Variants in GPC5 observed in about 807,000 individuals in gnomAD.
GPC5 encodes glypican-5.
Under a neutral mutation model 53.9 loss-of-function variants are expected in GPC5, and 47 were observed. That is an observed-to-expected ratio of 0.87 (90% CI 0.69 to 1.11). The LOEUF is 1.11. Among genes scored for constraint, GPC5 ranks in the 50% most tolerant of loss-of-function variants. GPC5 has a pLI of 0.00. For synonymous variants in GPC5, 286 were observed against 263.3 expected, an observed-to-expected ratio of 1.09 and a Z score of -0.84; for missense variants, 748 against 713.1, an observed-to-expected ratio of 1.05 and a Z score of -0.56.
In GPC5 at chr13:91,887,757, C is replaced by A. The variant is rs146582469; in HGVS notation, c.1281-20180C>A. Among the ~76,000 whole-genome samples the A allele has an allele frequency of 2.0e-3, 305 of 152,236 alleles. 3 individuals carry two copies. Among genetic ancestry groups the A allele is most frequent in the African/African-American group, 6.7e-3 (279 of 41,552 alleles). On this transcript the variant is annotated intron_variant, in intron 5 of 7. Coordinates refer to ENST00000377067, the MANE Select transcript of GPC5 (RefSeq NM_004466.6). ...CCCAACAAGCTCCTCATCTCCATCT[C>A]CAGCCTGGACATCAGTGTTTACATC...
intron 7 of GPC5, among the ~76,000 whole-genome samples, chr13:92,863,727 A>C (rs1244816910): frequency 6.6e-6 from 1 of 152,142 alleles, no homozygotes; most frequent in Admixed American, 6.5e-5. Context: ...TCCCGACCTC[A>C]GGTGATCTGC....
chr13:92,826,977 C>T (rs1235793953), intron 7 of GPC5, among the ~76,000 whole-genome samples: 3 of 152,014 alleles, frequency 2.0e-5, no homozygotes, highest in Admixed American at 2.0e-4. Context: ...TGTCATCTAC[C>T]CATTAATATT....
intron 2 of GPC5, among the ~76,000 whole-genome samples, chr13:91,677,596 G>A (rs913409059): frequency 2.0e-5 from 3 of 152,034 alleles, no homozygotes; most frequent in Non-Finnish European, 4.4e-5. Flanking sequence ...TCTAATATAC[G>A]GATTTTCCAA....
chr13:92,183,740 G>T (rs930919357), intron 7 of GPC5, among the ~76,000 whole-genome samples: 74 of 151,898 alleles, frequency 4.9e-4, no homozygotes, highest in African/African-American at 1.7e-3. Context: ...TAATTTTGTG[G>T]TTTTTAAATC....
At chr13:92,405,407 A>T (rs944696301) in intron 7 of GPC5, among the ~76,000 whole-genome samples, 1 of 152,180 alleles carries the variant, frequency 6.6e-6, no homozygotes, top group African/African-American at 2.4e-5. Context: ...GGGAATCAAC[A>T]TTTTTTTGTC....
intron 5 of GPC5, among the ~76,000 whole-genome samples, chr13:91,893,637 G>A (rs2138973090): frequency 6.6e-6 from 1 of 152,206 alleles, no homozygotes; most frequent in East Asian, 1.9e-4. Flanking sequence ...TCCAAATTAT[G>A]TATCTGACAA....
chr13:92,142,207 G>C (rs905803713), intron 6 of GPC5, among the ~76,000 whole-genome samples: 4 of 152,016 alleles, frequency 2.6e-5, no homozygotes, highest in African/African-American at 9.7e-5. Context: ...TTTTAAAAAA[G>C]GGAAAAAAAT....
chr13:92,213,174 A>G (rs2042387235), intron 7 of GPC5, among the ~76,000 whole-genome samples: 1 of 152,216 alleles, frequency 6.6e-6, no homozygotes, highest in African/African-American at 2.4e-5. Context: ...TGCCCTGAAT[A>G]ATAGATATGT....
chr13:92,731,307 C>T (rs1270749245), intron 7 of GPC5, among the ~76,000 whole-genome samples: 3 of 151,410 alleles, frequency 2.0e-5, no homozygotes, highest in African/African-American at 7.3e-5. Context: ...AACTAAATGT[C>T]AGGATTTCTA....
At chr13:92,862,189 T>C (rs1879202895) in intron 7 of GPC5, among the ~76,000 whole-genome samples, 1 of 152,176 alleles carries the variant, frequency 6.6e-6, no homozygotes, top group Non-Finnish European at 1.5e-5. Flanking sequence ...CTGTTCCAAA[T>C]ATTTAGAATA....
chr13:91,558,009 C>T (rs1947181416), intron 2 of GPC5, among the ~76,000 whole-genome samples: 1 of 152,076 alleles, frequency 6.6e-6, no homozygotes, highest in Non-Finnish European at 1.5e-5. Context: ...TTGAGAGAGT[C>T]TTAGCAAAAG....
chr13:91,923,462 T>G (rs960108582), intron 6 of GPC5, among the ~76,000 whole-genome samples: 4 of 152,170 alleles, frequency 2.6e-5, no homozygotes, highest in Admixed American at 1.3e-4. Context: ...AGTAGGAAAG[T>G]TTCTATGGCA....
At chr13:92,048,399 C>A (rs1594743032) in intron 6 of GPC5, among the ~76,000 whole-genome samples, 3 of 152,024 alleles carry the variant, frequency 2.0e-5, no homozygotes, top group South Asian at 4.2e-4. Flanking sequence ...TTTGATACAT[C>A]CCACCAAACA....
At chr13:91,681,103 C>T (rs1426153630) in intron 2 of GPC5, among the ~76,000 whole-genome samples, 1 of 151,840 alleles carries the variant, frequency 6.6e-6, no homozygotes, top group African/African-American at 2.4e-5. Flanking sequence ...GAGTGTAAAG[C>T]GTTCCGAGAC....
chr13:92,272,559 C>T (rs1307983638), intron 7 of GPC5, among the ~76,000 whole-genome samples: 1 of 152,158 alleles, frequency 6.6e-6, no homozygotes, highest in Non-Finnish European at 1.5e-5. Context: ...AAGTCCTGCA[C>T]AGTCAAGACT....
chr13:91,527,134 C>G, intron 2 of GPC5, among the ~76,000 whole-genome samples: 1 of 152,174 alleles, frequency 6.6e-6, no homozygotes, highest in East Asian at 1.9e-4. Context: ...TTCTGCAAAG[C>G]TTTAACTTAT....
chr13:92,414,440 G>T (rs1459527064), intron 7 of GPC5, among the ~76,000 whole-genome samples: 4 of 151,802 alleles, frequency 2.6e-5, no homozygotes, highest in African/African-American at 4.8e-5. Context: ...GAGAGGTGGA[G>T]GTTGCAGTGA....
chr13:92,605,546 T>A (rs1884219079), intron 7 of GPC5, among the ~76,000 whole-genome samples: 1 of 152,036 alleles, frequency 6.6e-6, no homozygotes, highest in East Asian at 1.9e-4. Flanking sequence ...CAGAGAGATC[T>A]GAAAAATAAA....
chr13:92,196,530 A>G (rs916518038), intron 7 of GPC5, among the ~76,000 whole-genome samples: 5 of 152,082 alleles, frequency 3.3e-5, no homozygotes, highest in African/African-American at 9.6e-5. Context: ...TTACTGTCAA[A>G]TGAAAGCTTT....
Sources: allele counts gnomAD v4.1 joint callset (sites outside exome capture counted in the v4.1 genomes callset), GRCh38; gene constraint gnomAD v4.1.1; transcripts MANE v1.5; gene names NCBI Gene and HGNC (gene_info 2026-07-23, HGNC 2026-07-21).